JAM3: variants seen among roughly 807,000 people sequenced by gnomAD.
JAM3 encodes junctional adhesion molecule C.
A neutral mutation model predicts 39.4 loss-of-function variants in JAM3; 31 were observed. The ratio of observed to expected loss-of-function variants is 0.79; its 90% CI spans 0.59 to 1.06. The LOEUF (loss-of-function observed/expected upper bound fraction) is 1.06. Ranked by LOEUF, JAM3 falls within the 50% of genes least tolerant of loss-of-function variation. The pLI is 0.00. For missense variants in JAM3, 455 were observed against 391.4 expected, an observed-to-expected ratio of 1.16 and a Z score of -1.37; for synonymous variants, 182 against 148.7, an observed-to-expected ratio of 1.22 and a Z score of -1.63.
rs761617474 is a variant in JAM3 at position 134,069,143 on chromosome 11, G to T, written c.60G>T (p.Leu20=). Residue 20 remains leucine, a synonymous_variant, in exon 1 of 9, where the codon CTG becomes CTT. Coordinates refer to ENST00000299106, the MANE Select transcript of JAM3 (RefSeq NM_032801.5). Reference sequence around the variant, plus strand: ...GCGCTCGGCTGCCTGACTTCTTCCTGCTGCTGCTTTTCAGGGGTGAGTTTG... The same window carrying T: ...GCGCTCGGCTGCCTGACTTCTTCCTTCTGCTGCTTTTCAGGGGTGAGTTTG... ...RLCARLPDFF[L]LLLFRGCLIG... 6.2e-7 allele frequency: 1 copy of T among 1,612,914 alleles called. No individual in the cohort carries two copies. The highest frequency in any genetic ancestry group is 1.3e-5 in the African/African-American group (1 of 74,962).
chr11:134,084,781 T>C (rs1381790064), intron 1 of JAM3, among the ~76,000 whole-genome samples: 1 of 152,196 alleles, frequency 6.6e-6, no homozygotes, highest in African/African-American at 2.4e-5. Context: ...CACCTAGCAG[T>C]GTGTCCTCAA....
chr11:134,121,622 C>T (rs538918057), intron 1 of JAM3, among the ~76,000 whole-genome samples: 17 of 152,136 alleles, frequency 1.1e-4, no homozygotes, highest in Admixed American at 9.2e-4. Flanking sequence ...TCATTAAATC[C>T]AAAAGAAAAA....
At chr11:134,078,151 G>C (rs532989897) in intron 1 of JAM3, among the ~76,000 whole-genome samples, 1 of 151,646 alleles carries the variant, frequency 6.6e-6, no homozygotes. Context: ...CTGGAGTCTC[G>C]CTCTGTTGCC....
intron 1 of JAM3, among the ~76,000 whole-genome samples, chr11:134,116,978 G>A (rs1942446703): frequency 6.6e-6 from 1 of 151,942 alleles, no homozygotes; most frequent in East Asian, 1.9e-4. Flanking sequence ...GTTTAACCAA[G>A]ACAAGGATAT....
intron 1 of JAM3, among the ~76,000 whole-genome samples, chr11:134,093,272 A>C (rs75691159): frequency 6.5e-4 from 63 of 97,238 alleles, no homozygotes; most frequent in Middle Eastern, 0.016. Flanking sequence ...TTCTCCTGAA[A>C]CCTCCTTATT....
In JAM3 at chr11:134,147,459, C is replaced by CAAAAAAAAAAA. The variant is rs557379286; in HGVS notation, c.713-1079_713-1069dup. Among the ~76,000 whole-genome samples, 662 of 70,846 alleles carry CAAAAAAAAAAA rather than the reference C, an allele frequency of 9.3e-3. 25 individuals are homozygous for CAAAAAAAAAAA. Among genetic ancestry groups the CAAAAAAAAAAA allele is most frequent in the African/African-American group, 0.031 (642 of 20,512 alleles). The allele number at this position is 70,846 out of a possible 152,430, so 46.5% of individuals were successfully genotyped here. On this transcript the variant is annotated intron_variant, in intron 6 of 8. Coordinates refer to ENST00000299106, the MANE Select transcript of JAM3 (RefSeq NM_032801.5). ...ACGGTGACGGAGCAAGACTCTGTCTCAAAAAAAAAAAAAAAAAAACGATTG... is the reference window on the plus strand; with the variant it reads ...ACGGTGACGGAGCAAGACTCTGTCTCAAAAAAAAAAAAAAAAAAAAAAAAAAAAAACGATTG...
intron 1 of JAM3, among the ~76,000 whole-genome samples, chr11:134,133,342 G>T (rs1443150343): frequency 6.6e-6 from 1 of 152,122 alleles, no homozygotes; most frequent in African/African-American, 2.4e-5. Context: ...GAATAGAAGT[G>T]GTGAAAGTGG....
chr11:134,130,063 T>C (rs1033773124), intron 1 of JAM3, among the ~76,000 whole-genome samples: 6 of 152,218 alleles, frequency 3.9e-5, no homozygotes, highest in African/African-American at 1.4e-4. Context: ...CTTTGTCATG[T>C]AACAGAGTTT....
intron 1 of JAM3, among the ~76,000 whole-genome samples, chr11:134,069,647 T>C (rs137931489): frequency 6.6e-6 from 1 of 151,890 alleles, no homozygotes; most frequent in South Asian, 2.1e-4. Flanking sequence ...GGCACGGCCC[T>C]CTGGAGGGAG....
chr11:134,133,645 G>A (rs940661209), intron 1 of JAM3, among the ~76,000 whole-genome samples: 14 of 152,230 alleles, frequency 9.2e-5, no homozygotes, highest in African/African-American at 3.1e-4. Flanking sequence ...CTTAACTCCA[G>A]CCGCCTCTAG....
chr11:134,130,079 A>T (rs1327535426), intron 1 of JAM3, among the ~76,000 whole-genome samples: 1 of 152,166 alleles, frequency 6.6e-6, no homozygotes, highest in Non-Finnish European at 1.5e-5. Context: ...AGTTTTGAAG[A>T]TGGAATTATA....
At chr11:134,093,678 C>G (rs660237) in intron 1 of JAM3, among the ~76,000 whole-genome samples, 1 of 125,112 alleles carries the variant, frequency 8.0e-6, no homozygotes, top group Non-Finnish European at 1.7e-5. Flanking sequence ...CTGAGCCCTC[C>G]TTATTCATCA....
intron 1 of JAM3, among the ~76,000 whole-genome samples, chr11:134,110,161 C>G (rs987764980): frequency 6.6e-6 from 1 of 152,178 alleles, no homozygotes; most frequent in Non-Finnish European, 1.5e-5. Context: ...AAAAGATTGA[C>G]TATACCTAGT....
intron 1 of JAM3, among the ~76,000 whole-genome samples, chr11:134,094,753 C>T (rs1941945582): frequency 6.6e-6 from 1 of 152,140 alleles, no homozygotes; most frequent in South Asian, 2.1e-4. Context: ...ATTGCAATTG[C>T]AATTAATTAT....
At chr11:134,107,102 A>G (rs1345114650) in intron 1 of JAM3, among the ~76,000 whole-genome samples, 4 of 152,224 alleles carry the variant, frequency 2.6e-5, no homozygotes, top group Non-Finnish European at 5.9e-5. Flanking sequence ...TCAATGATAG[A>G]CTGGATTAAG....
intron 1 of JAM3, among the ~76,000 whole-genome samples, chr11:134,102,362 G>C (rs1255112831): frequency 2.0e-5 from 3 of 152,182 alleles, no homozygotes; most frequent in Admixed American, 6.6e-5. Context: ...AACCCCATCT[G>C]TATGTCACCA....
chr11:134,143,926 G>A (rs183126857), intron 3 of JAM3, among the ~76,000 whole-genome samples: 4 of 152,276 alleles, frequency 2.6e-5, no homozygotes, highest in Admixed American at 1.3e-4. Context: ...TTCTAGTGGT[G>A]TTTTTTTCTA....
At chr11:134,073,499 T>C (rs1941515535) in intron 1 of JAM3, among the ~76,000 whole-genome samples, 1 of 152,182 alleles carries the variant, frequency 6.6e-6, no homozygotes, top group African/African-American at 2.4e-5. Context: ...TCTGCTATGT[T>C]TGACAACCTC....
rs184708490 is a variant in JAM3 at position 134,108,935 on chromosome 11, C to G, written c.77-30916C>G. Among the ~76,000 whole-genome samples, 41 of 152,202 alleles carry G rather than the reference C, an allele frequency of 2.7e-4. No individual in the cohort carries two copies. The East Asian group carries it at 7.9e-3, about 29-fold the overall frequency. ...GGTAATATTATATTATTGGTAGAAA[C>G]CAGACAAAAATACCTGCTCTCACCA... On this transcript the variant is annotated intron_variant, in intron 1 of 8. Coordinates refer to ENST00000299106, the MANE Select transcript of JAM3 (RefSeq NM_032801.5).
Sources: allele counts gnomAD v4.1 joint callset (sites outside exome capture counted in the v4.1 genomes callset), GRCh38; gene constraint gnomAD v4.1.1; transcripts MANE v1.5; gene names NCBI Gene and HGNC (gene_info 2026-07-23, HGNC 2026-07-21).